Variants in FIRRM observed in about 807,000 individuals in gnomAD.
FIRRM encodes FIGNL1 interacting regulator of recombination and mitosis, also known as FIGNL1-interacting regulator of recombination and mitosis.
the FIRRM span, among the ~76,000 whole-genome samples, chr1:169,835,041 G>A: frequency 2.0e-5 from 3 of 152,008 alleles, no homozygotes; most frequent in South Asian, 6.2e-4. Context: ...GAAGGTGGTG[G>A]GACTAGAGAA....
At chr1:169,792,881 T>C in the FIRRM span, 1 of 1,614,152 alleles carries the variant, frequency 6.2e-7, no homozygotes, top group East Asian at 2.2e-5. Flanking sequence ...CTTACAAAAC[T>C]CAGACCACTC....
At chr1:169,832,598 A>G in the FIRRM span, 1 of 940,062 alleles carries the variant, frequency 1.1e-6, no homozygotes, top group Non-Finnish European at 1.7e-6. Context: ...CCATTTTTAA[A>G]AATTTATCTT....
At chr1:169,820,325 G>C in the FIRRM span, among the ~76,000 whole-genome samples, 1 of 152,148 alleles carries the variant, frequency 6.6e-6, no homozygotes, top group Non-Finnish European at 1.5e-5. Flanking sequence ...TGTAGTGAAG[G>C]GACCTTTTTC....
the FIRRM span, among the ~76,000 whole-genome samples, chr1:169,818,723 G>A: frequency 6.6e-6 from 1 of 152,122 alleles, no homozygotes; most frequent in African/African-American, 2.4e-5. Context: ...GTCTTGCTCT[G>A]TTGCCCATGC....
chr1:169,821,763 A>G, the FIRRM span: 1 of 1,571,810 alleles, frequency 6.4e-7, no homozygotes, highest in South Asian at 1.1e-5. Context: ...CGCTAAGGTA[A>G]GGCTTTATTA....
the FIRRM span, chr1:169,852,760 A>G: frequency 2.8e-5 from 45 of 1,605,164 alleles, no homozygotes; most frequent in Non-Finnish European, 3.7e-5. Context: ...TAGAATGGAT[A>G]TTGTGATATT....
chr1:169,842,387 C>A, the FIRRM span: 5 of 1,602,436 alleles, frequency 3.1e-6, no homozygotes, highest in Non-Finnish European at 3.4e-6. Context: ...GGTGTTTAAA[C>A]TCAAGTCCTT....
chr1:169,831,551 A>G, the FIRRM span, among the ~76,000 whole-genome samples: 20 of 152,316 alleles, frequency 1.3e-4, no homozygotes, highest in East Asian at 3.3e-3. Flanking sequence ...AATCCTTAAC[A>G]TATCTTTCAC....
At chr1:169,843,906 A>G in the FIRRM span, 4 of 615,166 alleles carry the variant, frequency 6.5e-6, no homozygotes, top group Non-Finnish European at 1.2e-5. Context: ...TTCATCAAGG[A>G]TATCTCATTT....
the FIRRM span, among the ~76,000 whole-genome samples, chr1:169,834,372 T>C: frequency 5.9e-5 from 9 of 152,202 alleles, no homozygotes; most frequent in African/African-American, 2.2e-4. Flanking sequence ...AAAATTGAGA[T>C]AGATACTAAT....
At chr1:169,826,389 G>C in the FIRRM span, among the ~76,000 whole-genome samples, 2 of 117,900 alleles carry the variant, frequency 1.7e-5, no homozygotes, top group Admixed American at 2.0e-4. Flanking sequence ...CTGAGATAGA[G>C]TTTCACTCTG....
chr1:169,850,129 T>G, the FIRRM span: 1 of 611,338 alleles, frequency 1.6e-6, no homozygotes. Context: ...GAATCATGAG[T>G]TTATCACCTT....
At chr1:169,813,528 G>A in the FIRRM span, among the ~76,000 whole-genome samples, 39 of 152,246 alleles carry the variant, frequency 2.6e-4, no homozygotes, top group South Asian at 8.1e-3. Context: ...ATTTATTTTG[G>A]GGGTGGTTTA....
At chr1:169,794,255 G>A in the FIRRM span, among the ~76,000 whole-genome samples, 2 of 152,130 alleles carry the variant, frequency 1.3e-5, no homozygotes, top group Non-Finnish European at 2.9e-5. Context: ...CACCCCCTAA[G>A]CTTCCAGAAT....
At chr1:169,840,420 C>G in the FIRRM span, among the ~76,000 whole-genome samples, 1 of 151,838 alleles carries the variant, frequency 6.6e-6, no homozygotes, top group Non-Finnish European at 1.5e-5. Flanking sequence ...TTATAGTTCT[C>G]CTTGTAGAGA....
At chr1:169,805,241 C>G in the FIRRM span, among the ~76,000 whole-genome samples, 43 of 152,148 alleles carry the variant, frequency 2.8e-4, no homozygotes, top group African/African-American at 1.0e-3. Flanking sequence ...GTGGGATGTC[C>G]TGAGACAACT....
the FIRRM span, chr1:169,801,091 G>T: frequency 1.8e-6 from 1 of 556,700 alleles, no homozygotes; most frequent in Admixed American, 3.7e-5. Flanking sequence ...ATAAAAATAA[G>T]GAGTAAGTAG....
the FIRRM span, chr1:169,853,492 T>TTC: frequency 2.0e-6 from 1 of 501,158 alleles, no homozygotes; most frequent in East Asian, 3.2e-5. Context: ...ACAAAGGCTC[T>TTC]TCCTCCTGGA....
At chr1:169,820,389 G>A in the FIRRM span, among the ~76,000 whole-genome samples, 17 of 152,134 alleles carry the variant, frequency 1.1e-4, no homozygotes, top group African/African-American at 2.4e-4. Flanking sequence ...AGCTCCCCAC[G>A]TCCCATGATT....
Sources: allele counts gnomAD v4.1 joint callset (sites outside exome capture counted in the v4.1 genomes callset), GRCh38; gene constraint gnomAD v4.1.1; transcripts MANE v1.5; gene names NCBI Gene and HGNC (gene_info 2026-07-23, HGNC 2026-07-21).